Variants in GDAP2 observed in about 807,000 individuals in gnomAD.
GDAP2 encodes the protein ganglioside-induced differentiation-associated protein 2.
A neutral mutation model predicts 67.0 loss-of-function variants in GDAP2; 51 were observed. The ratio of observed to expected loss-of-function variants is 0.76; its 90% CI spans 0.61 to 0.96. The LOEUF is 0.96. GDAP2 is among the 40% of genes least tolerant of loss of function. GDAP2 has a pLI of 0.00. For missense variants in GDAP2, 547 were observed against 588.3 expected (o/e 0.93, Z 0.73); for synonymous variants, 203 against 207.3 (o/e 0.98, Z 0.18).
chr1:117,901,973 A>G (rs936497392), intron 6 of GDAP2, among the ~76,000 whole-genome samples: 7 of 152,168 alleles, frequency 4.6e-5, no homozygotes, highest in African/African-American at 1.7e-4. Context: ...AGCCAGTCCT[A>G]AACTGTAAGT....
chr1:117,926,864 G>C lies in GDAP2; in HGVS notation c.-68+2584C>G, dbSNP rs541290757. On this transcript the variant is annotated intron_variant, in intron 1 of 13. Transcript: ENST00000369443. ...TGCTTAAGTGACAAAGGGAGGAGGAGAAGGCTCCTACACCCAGTAATCTAT... is the reference window on the plus strand; with the variant it reads ...TGCTTAAGTGACAAAGGGAGGAGGACAAGGCTCCTACACCCAGTAATCTAT... 2.0e-5 allele frequency among the ~76,000 whole-genome samples: 3 copies of C among 152,272 alleles called. No individual in the cohort carries two copies. The South Asian group carries it at 6.2e-4, about 32-fold the overall frequency.
intron 9 of GDAP2, 90 bp from the exon 10 acceptor site, chr1:117,886,743 G>T: frequency 1.4e-6 from 1 of 732,630 alleles, no homozygotes; most frequent in South Asian, 1.7e-5. Flanking sequence ...TATTCTATGT[G>T]AATTTAAAAG....
At chr1:117,921,068 G>T (rs1408441471) in intron 1 of GDAP2, among the ~76,000 whole-genome samples, 2 of 152,156 alleles carry the variant, frequency 1.3e-5, no homozygotes, top group Non-Finnish European at 1.5e-5. Flanking sequence ...GACACACAGC[G>T]TCAAGTACTA....
At chr1:117,907,433 C>T (rs1394241477) in intron 5 of GDAP2, among the ~76,000 whole-genome samples, 2 of 152,122 alleles carry the variant, frequency 1.3e-5, no homozygotes, top group Admixed American at 6.5e-5. Flanking sequence ...TTAGATAACT[C>T]ACAGAGACCT....
intron 13 of GDAP2, among the ~76,000 whole-genome samples, chr1:117,877,064 A>C (rs1648481847): frequency 6.6e-6 from 1 of 152,192 alleles, no homozygotes; most frequent in Admixed American, 6.5e-5. Context: ...TATATTCAAC[A>C]ATTTTTGTAT....
intron 10 of GDAP2, among the ~76,000 whole-genome samples, chr1:117,884,856 C>A (rs1221433981): frequency 7.1e-6 from 1 of 141,002 alleles, no homozygotes; most frequent in East Asian, 2.2e-4. Flanking sequence ...TCTGTTTGTT[C>A]GAGACAGGGT....
At chr1:117,911,023 G>T (rs999394560) in intron 5 of GDAP2, among the ~76,000 whole-genome samples, 2 of 152,188 alleles carry the variant, frequency 1.3e-5, no homozygotes, top group Non-Finnish European at 2.9e-5. Context: ...CTTGAAAAAT[G>T]TAGCACAGAA....
rs368654766 is a variant in GDAP2 at position 117,870,545 on chromosome 1, C to G, written c.*24G>C. On this transcript the variant is annotated 3_prime_UTR_variant, in exon 14 of 14. Coordinates refer to ENST00000369443, the MANE Select transcript of GDAP2 (RefSeq NM_017686.4). ...GTGGAGGAAGTGGCATCCTGGGAAC[C>G]AAGAAGCACTGAAAGATGGCAGGTC... The G allele has an allele frequency of 1.3e-6, 2 of 1,509,470 alleles. No individual in the cohort carries two copies. The highest frequency in any genetic ancestry group is 2.2e-5 in the South Asian group (2 of 88,996). 93.5% of individuals were successfully genotyped at this position (1,509,470 alleles called of 1,614,324 possible).
At chr1:117,897,982 A>G (rs1649321080) in intron 7 of GDAP2, among the ~76,000 whole-genome samples, 1 of 152,246 alleles carries the variant, frequency 6.6e-6, no homozygotes, top group Admixed American at 6.5e-5. Context: ...ACGATTTAAC[A>G]TTCTACTTGA....
At chr1:117,895,317 C>T (rs571190068) in intron 8 of GDAP2, among the ~76,000 whole-genome samples, 33 of 152,206 alleles carry the variant, frequency 2.2e-4, no homozygotes, top group Middle Eastern at 6.8e-3. Context: ...GTCAAAACAA[C>T]TTACTGCAGC....
At chr1:117,927,783 T>C (rs1187325077) in intron 1 of GDAP2, among the ~76,000 whole-genome samples, 1 of 152,202 alleles carries the variant, frequency 6.6e-6, no homozygotes, top group East Asian at 1.9e-4. Context: ...GTCAATGGCT[T>C]GGGTCAAATT....
Position 117,899,092 on chromosome 1 carries a change from T to G in GDAP2, c.761A>C (p.Gln254Pro). Reference sequence around the variant, plus strand: ...ACCAGGTTTCTCACTTATTCTAATCTGTCGTTCAGGTACCACAGGCTCCCC... The same window carrying G: ...ACCAGGTTTCTCACTTATTCTAATCGGTCGTTCAGGTACCACAGGCTCCCC... ...AEGEPVVPER[Q>P]IRISEKPGAP... Residue 254 changes from glutamine (Q) to proline (P), a missense_variant, in exon 7 of 14, where the codon CAG becomes CCG. Transcript: ENST00000369443. 1.2e-6 allele frequency: 2 copies of G among 1,613,650 alleles called. No homozygotes were observed. Among genetic ancestry groups the G allele is most frequent in the Non-Finnish European group, 1.7e-6 (2 of 1,179,576 alleles).
At position 117,870,634 on chromosome 1, in the gene GDAP2, GAGA is replaced by G. The variant is rs1648226982; in HGVS notation, c.1447-21_1447-19del. 7.1e-6 allele frequency: 11 copies of G among 1,544,794 alleles called. No individual in the cohort carries two copies. The highest frequency in any genetic ancestry group is 3.3e-5 in the Admixed American group (2 of 59,824). On this transcript the variant is annotated intron_variant, in intron 13 of 13. Transcript: ENST00000369443. ...CCGTTTTCCTGTGGAAAGAAAAAAGGAGAAGAACATTTAAGTAACAGAACCAAT... is the reference window on the plus strand; with the variant it reads ...CCGTTTTCCTGTGGAAAGAAAAAAGGAGAACATTTAAGTAACAGAACCAAT...
At chr1:117,897,715 C>T (rs1407732808) in intron 7 of GDAP2, among the ~76,000 whole-genome samples, 2 of 152,150 alleles carry the variant, frequency 1.3e-5, no homozygotes, top group Non-Finnish European at 2.9e-5. Context: ...ACAAAACAAA[C>T]GTCGTACCAT....
intron 13 of GDAP2, among the ~76,000 whole-genome samples, chr1:117,873,979 C>T (rs1456717107): frequency 6.6e-6 from 1 of 152,154 alleles, no homozygotes; most frequent in East Asian, 1.9e-4. Context: ...TAGTCATTCT[C>T]TGTGCTGTTT....
At chr1:117,870,873 G>A (rs113582907) in intron 13 of GDAP2, among the ~76,000 whole-genome samples, 1 of 152,170 alleles carries the variant, frequency 6.6e-6, no homozygotes, top group African/African-American at 2.4e-5. Context: ...CAATTTATAG[G>A]CGCTTTTAAA....
chr1:117,912,702 C>T lies in GDAP2; in HGVS notation c.317-19G>A, dbSNP rs1649903646. ...CGGCACCCTGAAAACAATGGAAACA[C>T]ACATAAGTTTGGATGTGTTAGGAAA... On this transcript the variant is annotated intron_variant, in intron 3 of 13. Coordinates refer to ENST00000369443, the MANE Select transcript of GDAP2 (RefSeq NM_017686.4). 8 of 1,606,786 alleles carry T rather than the reference C, an allele frequency of 5.0e-6. No homozygotes were observed.
intron 1 of GDAP2, among the ~76,000 whole-genome samples, chr1:117,920,821 G>A (rs1650224715): frequency 6.6e-6 from 1 of 152,130 alleles, no homozygotes; most frequent in Non-Finnish European, 1.5e-5. Flanking sequence ...ATAATGTGGA[G>A]GATGTACTGA....
intron 13 of GDAP2, chr1:117,877,260 C>A (rs946062243): frequency 1.1e-6 from 1 of 945,304 alleles, no homozygotes; most frequent in Non-Finnish European, 1.3e-6. Flanking sequence ...ATAAACACTG[C>A]ACAATAATTA....
Sources: gnomAD v4.1 joint callset for allele counts (sites outside exome capture counted in the v4.1 genomes callset) on GRCh38, gnomAD v4.1.1 for gene constraint, MANE v1.5 for transcripts, NCBI Gene and HGNC (gene_info 2026-07-23, HGNC 2026-07-21) for gene names.